The following LRRC72 variants were observed in gnomAD, a reference collection of about 807,000 sequenced individuals.
LRRC72 encodes leucine rich repeat containing 72.
LRRC72 carries 41 observed loss-of-function variants against 35.8 expected under a neutral mutation model. That is an observed-to-expected ratio of 1.15 (90% CI 0.89 to 1.49). LRRC72 has a LOEUF of 1.49. Among genes scored for constraint, LRRC72 ranks in the 40% most tolerant of loss-of-function variants. The pLI, the probability that LRRC72 is intolerant of heterozygous loss-of-function variation, is 0.00. For synonymous variants in LRRC72, 118 were observed against 119.2 expected, an observed-to-expected ratio of 0.99 and a Z score of 0.07; for missense variants, 389 against 330.7, an observed-to-expected ratio of 1.18 and a Z score of -1.37.
At chr7:16,531,165 A>G (rs1782154619) in intron 1 of LRRC72, among the ~76,000 whole-genome samples, 1 of 151,438 alleles carries the variant, frequency 6.6e-6, no homozygotes, top group African/African-American at 2.4e-5. Flanking sequence ...CCTGGGCAAC[A>G]GAGCAAAACT....
At chr7:16,533,923 A>G (rs1173442175) in intron 2 of LRRC72, among the ~76,000 whole-genome samples, 1 of 152,186 alleles carries the variant, frequency 6.6e-6, no homozygotes, top group African/African-American at 2.4e-5. Context: ...TGATTTTGAC[A>G]ATTGTATACT....
intron 7 of LRRC72, among the ~76,000 whole-genome samples, chr7:16,568,769 G>A (rs1050143064): frequency 6.6e-6 from 1 of 152,112 alleles, no homozygotes; most frequent in Non-Finnish European, 1.5e-5. Context: ...AAAGCAGTCG[G>A]AGAGAAAACC....
At chr7:16,554,963 C>T (rs982788685) in intron 3 of LRRC72, among the ~76,000 whole-genome samples, 2 of 152,144 alleles carry the variant, frequency 1.3e-5, no homozygotes, top group South Asian at 2.1e-4. Flanking sequence ...TGTTTTCCTA[C>T]GCTGATGTCA....
At chr7:16,536,043 T>C (rs1162643236) in intron 2 of LRRC72, among the ~76,000 whole-genome samples, 1 of 152,106 alleles carries the variant, frequency 6.6e-6, no homozygotes, top group Non-Finnish European at 1.5e-5. Context: ...CAGCTAATTT[T>C]TGTATTTTTA....
At chr7:16,530,820 G>A (rs914073152) in intron 1 of LRRC72, among the ~76,000 whole-genome samples, 2 of 152,004 alleles carry the variant, frequency 1.3e-5, no homozygotes, top group Admixed American at 6.6e-5. Flanking sequence ...TCTTTGGCTG[G>A]GCTATAACCA....
chr7:16,538,120 A>G (rs1421521235), intron 3 of LRRC72, among the ~76,000 whole-genome samples: 1 of 152,222 alleles, frequency 6.6e-6, no homozygotes, highest in Non-Finnish European at 1.5e-5. Flanking sequence ...GCCAACTGTC[A>G]ATCTTCAATC....
intron 5 of LRRC72, among the ~76,000 whole-genome samples, chr7:16,563,247 A>C (rs1464445179): frequency 6.6e-6 from 1 of 152,220 alleles, no homozygotes; most frequent in Non-Finnish European, 1.5e-5. Flanking sequence ...AAGTTTACAA[A>C]AAAATAACTG....
chr7:16,532,457 T>C (rs1276006596), intron 1 of LRRC72, 38 bp from the exon 2 acceptor site: 17 of 1,480,734 alleles, frequency 1.1e-5, no homozygotes, highest in Non-Finnish European at 1.6e-5. Context: ...CTTTTGTTCA[T>C]TGGAATGTAG....
intron 4 of LRRC72, among the ~76,000 whole-genome samples, chr7:16,558,330 C>T (rs1449105547): frequency 2.6e-5 from 4 of 152,130 alleles, no homozygotes; most frequent in Admixed American, 1.3e-4. Flanking sequence ...TAAAACAGGC[C>T]GGGCGCGGTG....
chr7:16,544,553 T>C (rs930889629), intron 3 of LRRC72, among the ~76,000 whole-genome samples: 4 of 152,214 alleles, frequency 2.6e-5, no homozygotes, highest in Admixed American at 6.5e-5. Context: ...TTCAGGTCCA[T>C]GAAATTCATT....
At chr7:16,571,733 C>T (rs1172592289) in intron 7 of LRRC72, among the ~76,000 whole-genome samples, 3 of 152,170 alleles carry the variant, frequency 2.0e-5, no homozygotes, top group Non-Finnish European at 2.9e-5. Flanking sequence ...CCTACACCAC[C>T]AGGGCCCTGG....
At chr7:16,538,344 A>G (rs963782210) in intron 3 of LRRC72, among the ~76,000 whole-genome samples, 1 of 152,162 alleles carries the variant, frequency 6.6e-6, no homozygotes, top group Non-Finnish European at 1.5e-5. Flanking sequence ...TATAGTACTA[A>G]CAGATGTTCA....
chr7:16,555,509 A>G (rs936482410), intron 3 of LRRC72, among the ~76,000 whole-genome samples: 1 of 152,198 alleles, frequency 6.6e-6, no homozygotes, highest in African/African-American at 2.4e-5. Context: ...ATGGTGGCTC[A>G]CGCCTATAAT....
chr7:16,581,156 A>G (rs1005910783), intron 8 of LRRC72, among the ~76,000 whole-genome samples, 168 bp from the exon 9 acceptor site: 1 of 152,246 alleles, frequency 6.6e-6, no homozygotes. Flanking sequence ...AGTGTCACTT[A>G]GCCTGAAAGT....
At chr7:16,542,358 A>C (rs1446089324) in intron 3 of LRRC72, among the ~76,000 whole-genome samples, 6 of 152,212 alleles carry the variant, frequency 3.9e-5, no homozygotes, top group Non-Finnish European at 8.8e-5. Flanking sequence ...GATTATTTAC[A>C]TGCAACAAAC....
intron 3 of LRRC72, among the ~76,000 whole-genome samples, chr7:16,552,734 A>G (rs1782575745): frequency 6.6e-6 from 1 of 152,138 alleles, no homozygotes. Context: ...AACCCAGAAA[A>G]CTTGAGAGGT....
intron 1 of LRRC72, among the ~76,000 whole-genome samples, chr7:16,527,698 T>C (rs982967681): frequency 6.6e-6 from 1 of 152,058 alleles, no homozygotes; most frequent in Non-Finnish European, 1.5e-5. Context: ...TCTGCAAAGA[T>C]GGGGGGCTGC....
intron 1 of LRRC72, among the ~76,000 whole-genome samples, chr7:16,529,659 A>C (rs1737480179): frequency 6.6e-6 from 1 of 152,046 alleles, no homozygotes; most frequent in African/African-American, 2.4e-5. Flanking sequence ...AATATTTTGT[A>C]CTGGATTCAT....
At chr7:16,573,462 A>G (rs1300386576) in intron 7 of LRRC72, among the ~76,000 whole-genome samples, 2 of 152,170 alleles carry the variant, frequency 1.3e-5, no homozygotes, top group Non-Finnish European at 2.9e-5. Context: ...AGATATATAG[A>G]CCAATGTAAC....
Sources: allele counts gnomAD v4.1 joint callset (sites outside exome capture counted in the v4.1 genomes callset), GRCh38; gene constraint gnomAD v4.1.1; transcripts MANE v1.5; gene names NCBI Gene and HGNC (gene_info 2026-07-23, HGNC 2026-07-21).